The following CDH12 variants were observed in gnomAD, a reference collection of about 807,000 sequenced individuals.
The protein encoded by CDH12 is cadherin-12.
Under a neutral mutation model 74.1 loss-of-function variants are expected in CDH12, and 41 were observed. The observed-to-expected ratio is 0.55, with a 90% CI of 0.43 to 0.72. The LOEUF (loss-of-function observed/expected upper bound fraction) is 0.72. Ranked by LOEUF, CDH12 falls within the 30% of genes least tolerant of loss-of-function variation. The pLI is 0.00. For synonymous variants in CDH12, 399 were observed against 355.0 expected (o/e 1.12, Z -1.39); for missense variants, 945 against 977.2 (o/e 0.97, Z 0.44).
intron 1 of CDH12, among the ~76,000 whole-genome samples, chr5:22,531,454 C>T (rs1290292016): frequency 6.6e-6 from 1 of 152,040 alleles, no homozygotes; most frequent in African/African-American, 2.4e-5. Context: ...TGTATTGTAG[C>T]TACCACATTT....
intron 6 of CDH12, among the ~76,000 whole-genome samples, chr5:21,887,286 T>C (rs1464200225): frequency 2.0e-5 from 3 of 152,170 alleles, no homozygotes; most frequent in Admixed American, 1.3e-4. Context: ...GTATGATTGA[T>C]AAGAAGTTTA....
intron 2 of CDH12, among the ~76,000 whole-genome samples, chr5:22,485,690 A>T (rs1476443259): frequency 6.6e-6 from 1 of 152,124 alleles, no homozygotes; most frequent in African/African-American, 2.4e-5. Context: ...ATTTTACCTT[A>T]TCTTATATAT....
intron 6 of CDH12, among the ~76,000 whole-genome samples, chr5:21,856,537 T>A (rs1750763145): frequency 6.6e-6 from 1 of 151,806 alleles, no homozygotes; most frequent in African/African-American, 2.4e-5. Context: ...TTAATAAAAT[T>A]TGCCAAACTA....
chr5:21,751,767 T>C lies in CDH12; in HGVS notation c.2355A>G (p.Glu785=), dbSNP rs755043328. The change falls in exon 15 of 15, where the codon GAA becomes GAG. Residue 785 remains glutamate (E), a synonymous_variant. Coordinates refer to ENST00000382254, the MANE Select transcript of CDH12 (RefSeq NM_004061.5). ...TGACTTTATCAGGGTTATAACTCTC[T>C]TCTTCGCCAAACATGTCTGCCAAGA... The part of the protein sequence containing the change: ...FKVLADMFGE[E]ESYNPDKVT 7.4e-6 allele frequency: 12 copies of C among 1,613,872 alleles called. No homozygotes were observed. The highest frequency in any genetic ancestry group is 1.6e-4 in the Middle Eastern group (1 of 6,078).
At chr5:22,193,026 G>GA (rs202181284) in intron 4 of CDH12, among the ~76,000 whole-genome samples, 47 of 151,112 alleles carry the variant, frequency 3.1e-4, no homozygotes, top group African/African-American at 9.7e-4. Context: ...ATGGAGTGTG[G>GA]AAAAAAAAAT....
rs1330785288 is a variant in CDH12, at chr5:22,090,810, A to G, written c.-186-11948T>C. Among the ~76,000 whole-genome samples the G allele has an allele frequency of 2.0e-5, 3 of 152,100 alleles. No individual in the cohort carries two copies. In the East Asian group the frequency reaches 5.8e-4, roughly 29 times the overall value. On this transcript the variant is annotated intron_variant, in intron 4 of 14. Coordinates refer to ENST00000382254, the MANE Select transcript of CDH12 (RefSeq NM_004061.5). The stretch of plus-strand genomic sequence containing the variant: ...TTAATGTAATACCCATGTCAATAGA[A>G]TAAAGAAGAAACAAAACAAACAGAG...
At chr5:22,066,204 G>A (rs1037183938) in intron 5 of CDH12, among the ~76,000 whole-genome samples, 10 of 152,052 alleles carry the variant, frequency 6.6e-5, no homozygotes, top group African/African-American at 2.2e-4. Context: ...ACAGGTGGTA[G>A]TTGGTGATAT....
At chr5:22,268,733 A>G (rs771204266) in intron 3 of CDH12, among the ~76,000 whole-genome samples, 33 of 152,128 alleles carry the variant, frequency 2.2e-4, no homozygotes, top group Non-Finnish European at 3.5e-4. Flanking sequence ...ATGATTTGGC[A>G]AGGAGAAACA....
intron 1 of CDH12, among the ~76,000 whole-genome samples, chr5:22,637,637 G>A (rs1580839700): frequency 6.6e-6 from 1 of 152,284 alleles, no homozygotes; most frequent in East Asian, 1.9e-4. Flanking sequence ...TAGGGAGCAT[G>A]GTCTCATTAG....
intron 1 of CDH12, among the ~76,000 whole-genome samples, chr5:22,559,797 G>A (rs892089237): frequency 1.3e-5 from 2 of 152,122 alleles, no homozygotes; most frequent in African/African-American, 2.4e-5. Context: ...TTCTCATTAA[G>A]TGTTATTTGC....
chr5:22,787,387 G>C (rs1747691782), intron 1 of CDH12, among the ~76,000 whole-genome samples: 1 of 151,934 alleles, frequency 6.6e-6, no homozygotes, highest in Admixed American at 6.6e-5. Context: ...CTACCAAGAA[G>C]TCATCCTAAT....
chr5:22,407,130 C>T (rs1742972727), intron 2 of CDH12, among the ~76,000 whole-genome samples: 1 of 152,024 alleles, frequency 6.6e-6, no homozygotes, highest in Non-Finnish European at 1.5e-5. Context: ...TCAATGTACA[C>T]ATTATATCCA....
chr5:22,745,415 G>T (rs1580952740), intron 1 of CDH12, among the ~76,000 whole-genome samples: 2 of 152,022 alleles, frequency 1.3e-5, no homozygotes, highest in Non-Finnish European at 2.9e-5. Context: ...TCCTGTTACT[G>T]GGTATATACA....
At chr5:22,152,752 G>A (rs1747682138) in intron 4 of CDH12, among the ~76,000 whole-genome samples, 1 of 151,968 alleles carries the variant, frequency 6.6e-6, no homozygotes, top group African/African-American at 2.4e-5. Flanking sequence ...TGTATCCTTG[G>A]ACCAATGTCT....
intron 5 of CDH12, among the ~76,000 whole-genome samples, chr5:22,024,399 A>G (rs2150165012): frequency 6.6e-6 from 1 of 152,314 alleles, no homozygotes; most frequent in South Asian, 2.1e-4. Flanking sequence ...TTAAAAGACC[A>G]CTGACTATTT....
chr5:22,489,654 T>C (rs1452008667), intron 2 of CDH12, among the ~76,000 whole-genome samples: 1 of 152,004 alleles, frequency 6.6e-6, no homozygotes, highest in East Asian at 1.9e-4. Flanking sequence ...AGACTGAAGA[T>C]TTTAAAACTG....
At chr5:22,603,951 G>A (rs1475223877) in intron 1 of CDH12, among the ~76,000 whole-genome samples, 5 of 152,204 alleles carry the variant, frequency 3.3e-5, no homozygotes, top group Admixed American at 3.3e-4. Flanking sequence ...ATGCTAGTGA[G>A]GCCAGAGAGA....
At chr5:22,117,478 T>TATATTA (rs1554012020) in intron 4 of CDH12, among the ~76,000 whole-genome samples, 1 of 68,292 alleles carries the variant, frequency 1.5e-5, no homozygotes, top group Non-Finnish European at 2.6e-5. Flanking sequence ...AATATATATA[T>TATATTA]TATATATATA....
chr5:21,827,498 A>T lies in CDH12; in HGVS notation c.815-10366T>A, dbSNP rs139479200. ...CAAGAAAGAAAAGAAAACTTATTAC[A>T]TCTCTTTCTGTTTTTCCAATTCTTC... is the stretch of plus-strand genomic sequence containing the variant. On this transcript the variant is annotated intron_variant, in intron 8 of 14. Coordinates refer to ENST00000382254, the MANE Select transcript of CDH12 (RefSeq NM_004061.5). Among the ~76,000 whole-genome samples the T allele has an allele frequency of 1.2e-4, 19 of 152,252 alleles. No individual in the cohort carries two copies. In the East Asian group the frequency reaches 3.7e-3, roughly 29 times the overall value.
Sources: gnomAD v4.1 joint callset for allele counts (sites outside exome capture counted in the v4.1 genomes callset) on GRCh38, gnomAD v4.1.1 for gene constraint, MANE v1.5 for transcripts, NCBI Gene and HGNC (gene_info 2026-07-23, HGNC 2026-07-21) for gene names.